RTF1: variants seen among roughly 807,000 people sequenced by gnomAD.
RTF1 encodes RNA polymerase-associated protein RTF1 homolog.
RTF1 carries 10 observed loss-of-function variants against 95.7 expected under a neutral mutation model. The ratio of observed to expected loss-of-function variants is 0.10; its 90% confidence interval spans 0.06 to 0.18. The LOEUF (loss-of-function observed/expected upper bound fraction) is 0.18. Ranked by LOEUF, RTF1 falls within the 10% of genes least tolerant of loss-of-function variation. RTF1 has a pLI of 1.00. For missense variants in RTF1, 458 were observed against 875.6 expected (o/e 0.52, Z 6.02); for synonymous variants, 305 against 311.8 (o/e 0.98, Z 0.23).
At chr15:41,438,299 G>A (rs1288745909) in intron 1 of RTF1, 22 bp from the exon 2 acceptor site, 8 of 1,472,462 alleles carry the variant, frequency 5.4e-6, no homozygotes, top group Middle Eastern at 1.7e-4. Context: ...CAAAACTGAT[G>A]TGCCTATTTT....
intron 2 of RTF1, among the ~76,000 whole-genome samples, chr15:41,439,437 A>G (rs978618592): frequency 3.9e-5 from 6 of 152,154 alleles, no homozygotes; most frequent in African/African-American, 1.4e-4. Flanking sequence ...TAGTGAGAAA[A>G]GAAACTTTGG....
chr15:41,461,908 T>C (rs1197942400), intron 4 of RTF1, among the ~76,000 whole-genome samples: 3 of 151,124 alleles, frequency 2.0e-5, no homozygotes, highest in African/African-American at 7.3e-5. Flanking sequence ...CCTGGCCCTG[T>C]AATTTTTTTT....
intron 9 of RTF1, 101 bp from the exon 10 acceptor site, chr15:41,475,424 C>T: frequency 2.3e-6 from 2 of 855,226 alleles, no homozygotes; most frequent in South Asian, 1.5e-5. Flanking sequence ...AGAACCACTG[C>T]AATAGGTATA....
At chr15:41,469,600 A>G (rs935181089) in intron 6 of RTF1, among the ~76,000 whole-genome samples, 10 of 150,152 alleles carry the variant, frequency 6.7e-5, no homozygotes, top group Non-Finnish European at 1.5e-4. Context: ...GTCTTGGCTC[A>G]CTGCAACCTC....
At chr15:41,439,594 A>G (rs759161927) in intron 2 of RTF1, among the ~76,000 whole-genome samples, 4 of 152,176 alleles carry the variant, frequency 2.6e-5, no homozygotes, top group Non-Finnish European at 4.4e-5. Flanking sequence ...AATGGAAGAC[A>G]GGGATGAGGG....
At chr15:41,467,605 CTCAGGAGGCTGAGGCA>C (rs2140965402) in intron 6 of RTF1, among the ~76,000 whole-genome samples, 1 of 152,118 alleles carries the variant, frequency 6.6e-6, no homozygotes, top group East Asian at 1.9e-4. Context: ...ATCCCAGCTC[CTCAGGAGGCTGAGGCA>C]GGAGAATCCC....
rs376191572 is a variant in RTF1 at position 41,480,180 on chromosome 15, G to A, written c.1915-34G>A. 16 of 1,349,528 alleles carry A rather than the reference G, an allele frequency of 1.2e-5. No individual in the cohort carries two copies. In the African/African-American group the frequency reaches 2.3e-4, roughly 19 times the overall value. 83.6% of individuals were successfully genotyped at this position (1,349,528 alleles called of 1,614,324 possible). A position where few individuals can be genotyped will look rare whatever the true frequency, so the allele number is the denominator to read the frequency against. On this transcript the variant is annotated intron_variant, in intron 16 of 17. Transcript: ENST00000389629. Reference sequence around the variant, plus strand: ...CTGCTTGAAATCCACTTGCATTTATGCTCTTACCATTAGCTTTCCTCTTCA... The same window carrying A: ...CTGCTTGAAATCCACTTGCATTTATACTCTTACCATTAGCTTTCCTCTTCA...
At chr15:41,431,478 G>A (rs561502419) in intron 1 of RTF1, among the ~76,000 whole-genome samples, 99 of 151,946 alleles carry the variant, frequency 6.5e-4, no homozygotes, top group African/African-American at 2.3e-3. Flanking sequence ...GCCTCCCAAA[G>A]TGCTGGGATT....
At chr15:41,478,674 C>A in intron 15 of RTF1, 49 bp downstream of exon 15, 3 of 1,362,570 alleles carry the variant, frequency 2.2e-6, no homozygotes, top group Non-Finnish European at 3.1e-6. Context: ...TTCTAGGACA[C>A]AAAATGAATT....
intron 1 of RTF1, among the ~76,000 whole-genome samples, chr15:41,425,395 C>T (rs868208468): frequency 1.3e-5 from 2 of 152,004 alleles, no homozygotes; most frequent in African/African-American, 2.4e-5. Flanking sequence ...TGTGAGCCAC[C>T]GCGCCTGGCC....
chr15:41,440,998 G>T (rs189386167), intron 2 of RTF1, among the ~76,000 whole-genome samples: 317 of 125,912 alleles, frequency 2.5e-3, no homozygotes, highest in African/African-American at 9.1e-3. Flanking sequence ...TTGAGACGGA[G>T]TCTCACTCTG....
intron 1 of RTF1, among the ~76,000 whole-genome samples, chr15:41,425,930 T>C (rs995717236): frequency 2.0e-5 from 3 of 152,064 alleles, no homozygotes; most frequent in African/African-American, 7.2e-5. Context: ...GTCTGGGATA[T>C]GTGGAGTTCG....
chr15:41,437,161 A>G (rs971812726), intron 1 of RTF1, among the ~76,000 whole-genome samples: 1 of 152,118 alleles, frequency 6.6e-6, no homozygotes. Context: ...TGGTAATGAT[A>G]TCAGTTGTTG....
rs77755940 is a variant in RTF1, at chr15:41,481,543, G to T, written c.*856G>T. 0.051 allele frequency: 7,728 copies of T among 152,590 alleles called. 234 individuals are homozygous for T. Among genetic ancestry groups the T allele is most frequent in the East Asian group, 0.15 (787 of 5,174 alleles). The allele number at this position is 152,590 out of a possible 1,614,324, so 9.5% of individuals were successfully genotyped here. A position where few individuals can be genotyped will look rare whatever the true frequency, so the allele number is the denominator to read the frequency against. The stretch of plus-strand genomic sequence containing the variant: ...AGAAAACTCCCCAGTTTAGCCCCCT[G>T]ACCTGCAGGCTGTGTCCTGGCAGGT... On this transcript the variant is annotated 3_prime_UTR_variant, in exon 18 of 18. Coordinates refer to ENST00000389629, the MANE Select transcript of RTF1 (RefSeq NM_015138.5).
At chr15:41,477,032 A>G (rs1016352402) in intron 12 of RTF1, 133 bp from the exon 13 acceptor site, 2 of 1,093,154 alleles carry the variant, frequency 1.8e-6, no homozygotes, top group East Asian at 2.4e-5. Flanking sequence ...GTACTTCTAC[A>G]GTATTCTTCC....
chr15:41,458,685 G>A (rs2050831175), intron 4 of RTF1, among the ~76,000 whole-genome samples: 1 of 152,074 alleles, frequency 6.6e-6, no homozygotes. Context: ...GGAGATGGAG[G>A]TTGCAGTGAG....
intron 2 of RTF1, among the ~76,000 whole-genome samples, chr15:41,441,464 A>G (rs2050735743): frequency 6.6e-6 from 1 of 152,100 alleles, no homozygotes; most frequent in Non-Finnish European, 1.5e-5. Context: ...TTCATTCTCC[A>G]TATGTCTGTT....
At chr15:41,472,930 T>C (rs1175759361) in intron 8 of RTF1, among the ~76,000 whole-genome samples, 1 of 151,796 alleles carries the variant, frequency 6.6e-6, no homozygotes, top group Non-Finnish European at 1.5e-5. Context: ...CTTGATCTCC[T>C]AACCTCGTGA....
intron 2 of RTF1, among the ~76,000 whole-genome samples, chr15:41,440,487 CCT>C (rs1491576187): frequency 6.7e-6 from 1 of 148,212 alleles, no homozygotes; most frequent in East Asian, 2.0e-4. Flanking sequence ...CCGCGCCTGG[CCT>C]CTTTTTTTTT....
Sources: gnomAD v4.1 joint callset for allele counts (sites outside exome capture counted in the v4.1 genomes callset) on GRCh38, gnomAD v4.1.1 for gene constraint, MANE v1.5 for transcripts, NCBI Gene and HGNC (gene_info 2026-07-23, HGNC 2026-07-21) for gene names.